NBAS: variants seen among roughly 807,000 people sequenced by gnomAD.
NBAS encodes NAG/BC035112 fusion.
In NBAS, 219 loss-of-function variants were observed where a neutral mutation model predicts 302.5. That is an observed-to-expected ratio of 0.72 (90% confidence interval 0.65 to 0.81). NBAS has a LOEUF of 0.81. NBAS is among the 30% of genes least tolerant of loss of function. NBAS has a pLI of 0.00. For missense variants in NBAS, 2,932 were observed against 2,841.6 expected (o/e 1.03, Z -0.72); for synonymous variants, 1,118 against 1,021.6 (o/e 1.09, Z -1.80).
At chr2:15,281,189 A>G (rs1162238769) in intron 42 of NBAS, among the ~76,000 whole-genome samples, 2 of 152,208 alleles carry the variant, frequency 1.3e-5, no homozygotes, top group Non-Finnish European at 2.9e-5. Flanking sequence ...GGCCATATGA[A>G]TAGGCTTTGT....
the NBAS span, among the ~76,000 whole-genome samples, chr2:15,160,436 G>C: frequency 2.6e-5 from 4 of 152,150 alleles, no homozygotes; most frequent in African/African-American, 7.2e-5. Context: ...GGGACACCCC[G>C]GGGCTGGGAG....
chr2:15,445,071 T>A (rs898380657), intron 21 of NBAS, among the ~76,000 whole-genome samples: 1 of 151,690 alleles, frequency 6.6e-6, no homozygotes, highest in Non-Finnish European at 1.5e-5. Flanking sequence ...TGTAAACTAG[T>A]TCAACCACTG....
At chr2:15,327,687 T>A in intron 38 of NBAS, 63 bp downstream of exon 38, 1 of 1,598,354 alleles carries the variant, frequency 6.3e-7, no homozygotes, top group South Asian at 1.1e-5. Context: ...ATTCACAAAT[T>A]TTTGGTTAAC....
At chr2:15,165,581 G>A (rs1663996780), downstream of NBAS, among the ~76,000 whole-genome samples, 2 of 152,212 alleles carry the variant, frequency 1.3e-5, no homozygotes, top group African/African-American at 4.8e-5. Context: ...AGCCGACGAT[G>A]ATGGTGATGA....
chr2:15,202,882 C>T (rs527470679), intron 48 of NBAS, among the ~76,000 whole-genome samples: 57 of 152,132 alleles, frequency 3.7e-4, no homozygotes, highest in Non-Finnish European at 6.3e-4. Context: ...TAAGGCCATA[C>T]TTTGCTTTGA....
chr2:15,256,523 T>C (rs1668603936), intron 44 of NBAS, among the ~76,000 whole-genome samples: 1 of 151,728 alleles, frequency 6.6e-6, no homozygotes, highest in Non-Finnish European at 1.5e-5. Flanking sequence ...TCTTTACCAA[T>C]ATGGACACCC....
chr2:14,924,908 A>G, the NBAS span, among the ~76,000 whole-genome samples: 1 of 152,364 alleles, frequency 6.6e-6, no homozygotes, highest in East Asian at 1.9e-4. Context: ...TAGGTCTCTC[A>G]GCGGTTTCCA....
chr2:14,939,013 C>T, the NBAS span, among the ~76,000 whole-genome samples: 2 of 152,228 alleles, frequency 1.3e-5, no homozygotes, highest in African/African-American at 2.4e-5. Context: ...CTCACAAATA[C>T]CCTAGAACCA....
the NBAS span, among the ~76,000 whole-genome samples, chr2:14,789,037 C>T: frequency 1.2e-4 from 19 of 152,344 alleles, no homozygotes; most frequent in Admixed American, 4.6e-4. Flanking sequence ...TGGGCAATGG[C>T]GGGCGCCCCT....
chr2:14,959,766 C>A, the NBAS span, among the ~76,000 whole-genome samples: 119 of 152,296 alleles, frequency 7.8e-4, no homozygotes, highest in African/African-American at 2.7e-3. Context: ...TCCTCAAACC[C>A]AGTTCAAATA....
At chr2:15,042,245 A>T in the NBAS span, among the ~76,000 whole-genome samples, 10 of 152,102 alleles carry the variant, frequency 6.6e-5, no homozygotes, top group South Asian at 2.1e-4. Flanking sequence ...TCCTCAGAGC[A>T]AGAAATGCAA....
chr2:15,527,744 T>C (rs112896326), intron 9 of NBAS, among the ~76,000 whole-genome samples: 1 of 152,080 alleles, frequency 6.6e-6, no homozygotes, highest in African/African-American at 2.4e-5. Flanking sequence ...TTCATCAAAA[T>C]AGAAAAAAAT....
chr2:15,218,675 AC>A, intron 48 of NBAS, 97 bp downstream of exon 48: 2 of 1,521,188 alleles, frequency 1.3e-6, no homozygotes. Context: ...TGATCCTCCC[AC>A]CTTGGCCTCC....
chr2:15,047,545 C>T, the NBAS span, among the ~76,000 whole-genome samples: 1 of 84,564 alleles, frequency 1.2e-5, no homozygotes, highest in Non-Finnish European at 2.6e-5. Flanking sequence ...AGGCTGGACC[C>T]ATGCAGGTAA....
intron 44 of NBAS, among the ~76,000 whole-genome samples, chr2:15,267,929 T>C (rs1317981386): frequency 6.6e-6 from 1 of 152,242 alleles, no homozygotes; most frequent in Non-Finnish European, 1.5e-5. Context: ...AGTACTTTTA[T>C]AAAGTATTAT....
At chr2:15,393,911 T>C (rs1224659245) in intron 28 of NBAS, among the ~76,000 whole-genome samples, 4 of 151,994 alleles carry the variant, frequency 2.6e-5, no homozygotes, top group African/African-American at 4.8e-5. Flanking sequence ...CAAAGTAATA[T>C]ACAGAAGTAA....
At chr2:15,474,549 T>TTTCTTCTTCTTCTTC (rs57852145) in intron 14 of NBAS, among the ~76,000 whole-genome samples, 9 of 147,736 alleles carry the variant, frequency 6.1e-5, no homozygotes, top group African/African-American at 2.2e-4. Flanking sequence ...AGCCTGTTTT[T>TTTCTTCTTCTTCTTC]TTCTTCTTCT....
chr2:15,178,235 A>G (rs368117945), intron 51 of NBAS: 1 of 452,716 alleles, frequency 2.2e-6, no homozygotes, highest in Non-Finnish European at 4.5e-6. Context: ...GTAAAATTAC[A>G]TATGTGTGCA....
the NBAS span, among the ~76,000 whole-genome samples, chr2:15,111,369 G>A: frequency 6.6e-6 from 1 of 152,154 alleles, no homozygotes; most frequent in African/African-American, 2.4e-5. Flanking sequence ...TTGGGAGTGG[G>A]TGAGAACAAA....
Sources: allele counts gnomAD v4.1 joint callset (sites outside exome capture counted in the v4.1 genomes callset), GRCh38; gene constraint gnomAD v4.1.1; transcripts MANE v1.5; gene names NCBI Gene and HGNC (gene_info 2026-07-23, HGNC 2026-07-21).